SRD5A2: variants seen among roughly 807,000 people sequenced by gnomAD.
SRD5A2 encodes steroid 5 alpha-reductase 2.
In SRD5A2, 30 loss-of-function variants were observed where a neutral mutation model predicts 27.4. The observed-to-expected ratio is 1.10, with a 90% CI of 0.82 to 1.49. The LOEUF (loss-of-function observed/expected upper bound fraction) is 1.49. Among genes scored for constraint, SRD5A2 ranks in the 40% most tolerant of loss-of-function variants. SRD5A2 has a pLI of 0.00. For missense variants in SRD5A2, 348 were observed against 323.4 expected, an observed-to-expected ratio of 1.08 and a Z score of -0.58; for synonymous variants, 141 against 133.6, an observed-to-expected ratio of 1.06 and a Z score of -0.38.
intron 1 of SRD5A2, among the ~76,000 whole-genome samples, chr2:31,543,365 A>G (rs1035065440): frequency 5.3e-5 from 8 of 152,216 alleles, no homozygotes; most frequent in Non-Finnish European, 8.8e-5. Flanking sequence ...AGAAATAAAA[A>G]TATCAATGAA....
At chr2:31,650,933 C>T in the SRD5A2 span, among the ~76,000 whole-genome samples, 1 of 152,190 alleles carries the variant, frequency 6.6e-6, no homozygotes, top group East Asian at 1.9e-4. Context: ...TCATGAGGGG[C>T]GACCAACATA....
chr2:31,563,867 A>G (rs942529953), intron 1 of SRD5A2, among the ~76,000 whole-genome samples: 3 of 152,176 alleles, frequency 2.0e-5, no homozygotes, highest in African/African-American at 4.8e-5. Flanking sequence ...GAAATTATTA[A>G]TTAGCCCTAG....
At chr2:31,616,442 GC>G in the SRD5A2 span, among the ~76,000 whole-genome samples, 1 of 152,316 alleles carries the variant, frequency 6.6e-6, no homozygotes, top group East Asian at 1.9e-4. Context: ...AAAGCCACAG[GC>G]ACAGAGCTAC....
the SRD5A2 span, among the ~76,000 whole-genome samples, chr2:31,631,444 G>A: frequency 2.6e-5 from 4 of 152,042 alleles, no homozygotes; most frequent in Non-Finnish European, 4.4e-5. Flanking sequence ...AAAATGACTA[G>A]GGGTACTGGC....
At chr2:31,537,692 T>C (rs1666054057) in intron 1 of SRD5A2, among the ~76,000 whole-genome samples, 1 of 152,200 alleles carries the variant, frequency 6.6e-6, no homozygotes, top group African/African-American at 2.4e-5. Flanking sequence ...AGACATATCA[T>C]TAAATATCAT....
At position 31,566,453 on chromosome 2, in the gene SRD5A2, T is replaced by C. The variant is rs188919233; in HGVS notation, c.281+14167A>G. Among the ~76,000 whole-genome samples, 11 of 152,250 alleles carry C rather than the reference T, an allele frequency of 7.2e-5. No homozygotes were observed. In the East Asian group the frequency reaches 1.9e-3, roughly 27 times the overall value. ...ATGATCAATACAATTTCTAAAGCTC[T>C]AGTCAAAAAGATCTGGAAAAAAAGT... On this transcript the variant is annotated intron_variant, in intron 1 of 4. Transcript: ENST00000622030.
At chr2:31,544,954 A>C (rs1379396847) in intron 1 of SRD5A2, among the ~76,000 whole-genome samples, 1 of 151,924 alleles carries the variant, frequency 6.6e-6, no homozygotes, top group East Asian at 1.9e-4. Context: ...ACCTACATGA[A>C]AAAGTTCAGA....
Position 31,531,413 on chromosome 2 carries a change from G to T in SRD5A2, c.505C>A (p.Gln169Lys). The change falls in exon 3 of 5, where the codon CAG (glutamine) becomes AAG (lysine). Residue 169 changes from glutamine to lysine, a missense_variant. By Grantham distance (53) the Gln-to-Lys change is moderately conservative (BLOSUM62 1). Transcript: ENST00000622030. ...CTGATTTCTCCAGGCTTCCTGAGCTGGCGCAATATATAGTCACTATGAATG... is the reference window on the plus strand; with the variant it reads ...CTGATTTCTCCAGGCTTCCTGAGCTTGCGCAATATATAGTCACTATGAATG... The part of the protein sequence containing the change: ...INIHSDYILR[Q>K]LRKPGEISYR... 1.3e-6 allele frequency: 2 copies of T among 1,598,628 alleles called. No homozygotes were observed. The highest frequency in any genetic ancestry group is 1.7e-6 in the Non-Finnish European group (2 of 1,172,240).
At chr2:31,584,532 G>A (rs1428233125), upstream of SRD5A2, among the ~76,000 whole-genome samples, 2 of 152,132 alleles carry the variant, frequency 1.3e-5, no homozygotes, top group Non-Finnish European at 2.9e-5. Context: ...GACATCAGCT[G>A]CAAGTTCAAG....
intron 1 of SRD5A2, among the ~76,000 whole-genome samples, chr2:31,564,049 A>G (rs972693968): frequency 7.2e-5 from 11 of 152,144 alleles, no homozygotes; most frequent in Non-Finnish European, 1.5e-4. Context: ...ATCAAAGATT[A>G]CCAGGCATGC....
chr2:31,634,151 C>T, the SRD5A2 span, among the ~76,000 whole-genome samples: 1 of 81,384 alleles, frequency 1.2e-5, no homozygotes, highest in South Asian at 3.6e-4. Flanking sequence ...TTAAATCTTG[C>T]AACTGCAAAA....
chr2:31,638,765 A>T, the SRD5A2 span, among the ~76,000 whole-genome samples: 1 of 151,302 alleles, frequency 6.6e-6, no homozygotes, highest in Admixed American at 6.6e-5. Flanking sequence ...AGTTGCATAA[A>T]ATATTTTTTC....
At chr2:31,625,223 T>C in the SRD5A2 span, among the ~76,000 whole-genome samples, 1 of 152,212 alleles carries the variant, frequency 6.6e-6, no homozygotes, top group African/African-American at 2.4e-5. Context: ...TTTTTTCTTG[T>C]AAATTTGTTT....
the SRD5A2 span, among the ~76,000 whole-genome samples, chr2:31,651,205 G>A: frequency 2.3e-3 from 356 of 152,246 alleles, no homozygotes; most frequent in African/African-American, 7.8e-3. Context: ...CTTAATAGTA[G>A]CTTCACCCAA....
At chr2:31,612,402 T>C in the SRD5A2 span, among the ~76,000 whole-genome samples, 1 of 152,098 alleles carries the variant, frequency 6.6e-6, no homozygotes, top group Non-Finnish European at 1.5e-5. Context: ...AAAGAATTTT[T>C]AAAATCTCAA....
At chr2:31,550,397 C>CAAA (rs76664522) in intron 1 of SRD5A2, among the ~76,000 whole-genome samples, 1 of 133,556 alleles carries the variant, frequency 7.5e-6, no homozygotes, top group Non-Finnish European at 1.6e-5. Context: ...TACCCTAATC[C>CAAA]AAAAAAAAAA....
At chr2:31,632,789 G>C in the SRD5A2 span, among the ~76,000 whole-genome samples, 3 of 152,148 alleles carry the variant, frequency 2.0e-5, no homozygotes, top group South Asian at 2.1e-4. Context: ...TCCTCTGTTA[G>C]GGAGAGACAT....
chr2:31,549,084 T>A (rs1307069234), intron 1 of SRD5A2, among the ~76,000 whole-genome samples: 1 of 91,146 alleles, frequency 1.1e-5, no homozygotes, highest in African/African-American at 4.5e-5. Flanking sequence ...TAGAGGGAAT[T>A]ATTATTATTA....
At chr2:31,597,007 T>C in the SRD5A2 span, among the ~76,000 whole-genome samples, 1 of 151,952 alleles carries the variant, frequency 6.6e-6, no homozygotes, top group Non-Finnish European at 1.5e-5. Context: ...AAAATTAATA[T>C]GGAACCAAAA....
Sources: gnomAD v4.1 joint callset for allele counts (sites outside exome capture counted in the v4.1 genomes callset) on GRCh38, gnomAD v4.1.1 for gene constraint, MANE v1.5 for transcripts, NCBI Gene and HGNC (gene_info 2026-07-23, HGNC 2026-07-21) for gene names.